DCDC1: variants seen among roughly 807,000 people sequenced by gnomAD.
DCDC1 encodes the protein doublecortin domain-containing protein 1.
Under a neutral mutation model 178.3 loss-of-function variants are expected in DCDC1, and 200 were observed. That is an observed-to-expected ratio of 1.12 (90% CI 1.00 to 1.26). The LOEUF is 1.26. DCDC1 is among the 50% of genes most tolerant of loss of function. The probability of loss-of-function intolerance (pLI) is 0.00; values close to 1 mark genes in which losing one functional copy is unlikely to be tolerated. For synonymous variants in DCDC1, 690 were observed against 604.8 expected (o/e 1.14, Z -2.07); for missense variants, 1,983 against 1,749.2 (o/e 1.13, Z -2.38).
intron 1 of DCDC1, among the ~76,000 whole-genome samples, chr11:31,365,638 C>T (rs1384094960): frequency 3.3e-5 from 5 of 152,024 alleles, no homozygotes; most frequent in Admixed American, 1.3e-4. Context: ...TACGGGCAGG[C>T]GTGTACCAAA....
At chr11:31,292,952 A>G (rs368700701) in intron 6 of DCDC1, among the ~76,000 whole-genome samples, 1 of 152,220 alleles carries the variant, frequency 6.6e-6, no homozygotes, top group South Asian at 2.1e-4. Context: ...TTGCATGGTG[A>G]AAGGGTATTA....
intron 1 of DCDC1, among the ~76,000 whole-genome samples, chr11:31,340,845 C>CCT (rs747245985): frequency 3.3e-5 from 5 of 151,684 alleles, no homozygotes; most frequent in Non-Finnish European, 5.9e-5. Context: ...AATTAATCTT[C>CCT]CTCTCTCTCT....
At chr11:31,213,203 A>G (rs1311002429) in intron 9 of DCDC1, among the ~76,000 whole-genome samples, 1 of 142,846 alleles carries the variant, frequency 7.0e-6, no homozygotes. Flanking sequence ...CCTCCAAGAA[A>G]GGCATGTGGC....
chr11:31,019,971 G>A (rs1357333795), intron 20 of DCDC1, among the ~76,000 whole-genome samples: 2 of 151,814 alleles, frequency 1.3e-5, no homozygotes, highest in African/African-American at 2.4e-5. Context: ...GCTGTATAAC[G>A]CACCTCATTC....
chr11:30,939,602 C>A (rs994004377), intron 21 of DCDC1, among the ~76,000 whole-genome samples: 1 of 152,108 alleles, frequency 6.6e-6, no homozygotes. Flanking sequence ...TCATTATTCC[C>A]CTTGTAAGGT....
At position 31,213,261 on chromosome 11, in the gene DCDC1, T is replaced by A. The variant is rs147610604; in HGVS notation, c.1221+28189A>T. Among the ~76,000 whole-genome samples the A allele has an allele frequency of 2.2e-3, 330 of 151,370 alleles. 1 individual carries two copies. Among genetic ancestry groups the A allele is most frequent in the African/African-American group, 7.6e-3 (311 of 41,048 alleles). ...CTGGTTGGATATTTTCTATTCAGGG[T>A]CTATTTTCGCCTCATGTCAAAATGA... On this transcript the variant is annotated intron_variant, in intron 9 of 38. Coordinates refer to ENST00000684477, the MANE Select transcript of DCDC1 (RefSeq NM_001387274.1).
chr11:30,905,451 T>C (rs1384414223), intron 30 of DCDC1, among the ~76,000 whole-genome samples: 1 of 152,192 alleles, frequency 6.6e-6, no homozygotes, highest in African/African-American at 2.4e-5. Flanking sequence ...GCTTTCTCTC[T>C]GCCATGGCCA....
intron 20 of DCDC1, among the ~76,000 whole-genome samples, chr11:31,038,500 G>A (rs976463161): frequency 7.9e-5 from 12 of 152,128 alleles, no homozygotes; most frequent in Non-Finnish European, 1.3e-4. Flanking sequence ...GAGACTCTGG[G>A]ATTAAAATAA....
intron 37 of DCDC1, 79 bp downstream of exon 37, chr11:30,881,079 G>A: frequency 5.5e-6 from 8 of 1,460,514 alleles, no homozygotes; most frequent in Non-Finnish European, 7.4e-6. Flanking sequence ...TCATTGTGAT[G>A]GGATATAAGC....
At chr11:31,273,103 C>CTTG (rs1945700725) in intron 7 of DCDC1, among the ~76,000 whole-genome samples, 1 of 152,178 alleles carries the variant, frequency 6.6e-6, no homozygotes, top group African/African-American at 2.4e-5. Context: ...GGCCTCCAGG[C>CTTG]TTGTGATGGG....
At chr11:31,157,411 A>G (rs1443480079) in intron 9 of DCDC1, among the ~76,000 whole-genome samples, 1 of 145,756 alleles carries the variant, frequency 6.9e-6, no homozygotes, top group African/African-American at 2.5e-5. Context: ...ACACACACAC[A>G]TATATATACA....
At chr11:31,187,055 G>T (rs555732816) in intron 9 of DCDC1, among the ~76,000 whole-genome samples, 1 of 152,164 alleles carries the variant, frequency 6.6e-6, no homozygotes, top group African/African-American at 2.4e-5. Flanking sequence ...TTCACTTCCT[G>T]ATATTTTCTT....
In DCDC1 at chr11:31,102,238, C is replaced by T. The variant is rs1172049361; in HGVS notation, c.1922G>A (p.Ser641Asn). Residue 641 changes from serine to asparagine, a missense_variant, in exon 15 of 39, where the codon AGT (serine) becomes AAT (asparagine). Coordinates refer to ENST00000684477, the MANE Select transcript of DCDC1 (RefSeq NM_001387274.1). ...EGFPINFNCT[S>N]QQIPDQFEKV... ...TTCAAACTGGTCAGGTATCTGTTGACTGGTACAGTTGAAATTAATTGGAAA... is the reference window on the plus strand; with the variant it reads ...TTCAAACTGGTCAGGTATCTGTTGATTGGTACAGTTGAAATTAATTGGAAA... The T allele has an allele frequency of 2.7e-6, 2 of 739,894 alleles. No individual in the cohort carries two copies. The highest frequency in any genetic ancestry group is 3.4e-5 in the African/African-American group (2 of 58,788). The allele number at this position is 739,894 out of a possible 1,614,324, so 45.8% of individuals were successfully genotyped here.
chr11:30,920,435 C>T (rs999381086), intron 25 of DCDC1, among the ~76,000 whole-genome samples: 1 of 152,104 alleles, frequency 6.6e-6, no homozygotes, highest in Non-Finnish European at 1.5e-5. Flanking sequence ...CATGTGTCAA[C>T]TTGAACTTAG....
chr11:31,102,117 A>G, intron 15 of DCDC1, 60 bp downstream of exon 15: 2 of 564,000 alleles, frequency 3.5e-6, no homozygotes, highest in Non-Finnish European at 6.5e-6. Flanking sequence ...TTCATTATAT[A>G]TTGGTTGAGT....
chr11:30,899,637 G>A lies in DCDC1; in HGVS notation c.4669C>T (p.Gln1557Ter), dbSNP rs1257363027. 6.5e-7 allele frequency: 1 copy of A among 1,547,500 alleles called. No individual in the cohort carries two copies. Among genetic ancestry groups the A allele is most frequent in the East Asian group, 2.3e-5 (1 of 43,274 alleles). The part of the protein sequence containing the change: ...GEPFLPPNAL[Q>*]KAEKLEKQNW... ...TGTTTCTCTAATTTTTCTGCTTTCT[G>A]CAAAGCTAGAATAATAAAAATACAA... is the stretch of plus-strand genomic sequence containing the variant. The change falls in exon 34 of 39, where the codon CAG (glutamine) becomes TAG (stop). Residue 1557 changes from glutamine to a stop codon, truncating the protein, a stop_gained. Transcript: ENST00000684477. LOFTEE classifies it high-confidence loss of function.
intron 11 of DCDC1, among the ~76,000 whole-genome samples, chr11:31,124,800 CTAT>C (rs1961362538): frequency 1.3e-5 from 2 of 152,094 alleles, no homozygotes; most frequent in East Asian, 3.9e-4. Flanking sequence ...AAATACTTAA[CTAT>C]AAAACCCCAA....
intron 20 of DCDC1, among the ~76,000 whole-genome samples, chr11:31,041,091 A>G (rs1007905900): frequency 6.6e-6 from 1 of 152,212 alleles, no homozygotes; most frequent in Non-Finnish European, 1.5e-5. Context: ...TAATTCATTC[A>G]ACAATACTTC....
chr11:31,217,431 A>T (rs2136632274), intron 9 of DCDC1, among the ~76,000 whole-genome samples: 1 of 152,352 alleles, frequency 6.6e-6, no homozygotes, highest in Non-Finnish European at 1.5e-5. Context: ...CTGTCATAGT[A>T]AGTTAAATCA....
Sources: allele counts gnomAD v4.1 joint callset (sites outside exome capture counted in the v4.1 genomes callset), GRCh38; gene constraint gnomAD v4.1.1; transcripts MANE v1.5; gene names NCBI Gene and HGNC (gene_info 2026-07-23, HGNC 2026-07-21).